CTPS2: variants seen among roughly 807,000 people sequenced by gnomAD.
The protein encoded by CTPS2 is CTP synthase 2.
Under a neutral mutation model 46.8 loss-of-function variants are expected in CTPS2, and 19 were observed. The ratio of observed to expected loss-of-function variants is 0.41; its 90% CI spans 0.28 to 0.60. CTPS2 has a LOEUF of 0.60. Among genes scored for constraint, CTPS2 ranks in the 20% least tolerant of loss-of-function variants. CTPS2 has a pLI of 0.35. For synonymous variants in CTPS2, 151 were observed against 165.2 expected, an observed-to-expected ratio of 0.91 and a Z score of 0.66; for missense variants, 286 against 447.6, an observed-to-expected ratio of 0.64 and a Z score of 3.26.
intron 10 of CTPS2, among the ~76,000 whole-genome samples, chrX:16,674,875 G>A (rs1449278664): frequency 9.1e-6 from 1 of 110,460 alleles, no homozygotes; most frequent in African/African-American, 3.3e-5. Flanking sequence ...GTGGACATTG[G>A]CTAAAGTTAA....
At chrX:16,665,243 G>C (rs1229709020) in intron 13 of CTPS2, among the ~76,000 whole-genome samples, 1 of 112,143 alleles carries the variant, frequency 8.9e-6, no homozygotes, top group Non-Finnish European at 1.9e-5. Context: ...CTCCTCAAAG[G>C]GTTAAACACA....
At chrX:16,625,288 TA>T (rs1931067429) in intron 14 of CTPS2, among the ~76,000 whole-genome samples, 1 of 112,514 alleles carries the variant, frequency 8.9e-6, no homozygotes. Flanking sequence ...AAGCCACTCA[TA>T]AAAGGACAAA....
chrX:16,698,202 G>C lies in CTPS2; in HGVS notation c.438+34C>G, dbSNP rs772175912. 10 of 993,412 alleles carry C rather than the reference G, an allele frequency of 1.0e-5. No homozygotes were observed. The South Asian group carries it at 1.1e-4, about 11-fold the overall frequency. The allele number at this position is 993,412 out of a possible 1,213,427, so 81.9% of individuals were successfully genotyped here. ...AGATCAGATGCTCAAAGACCCAGCAGGATATAATTTTATAAAGAAAGTTCT... is the reference window on the plus strand; with the variant it reads ...AGATCAGATGCTCAAAGACCCAGCACGATATAATTTTATAAAGAAAGTTCT... On this transcript the variant is annotated intron_variant, in intron 4 of 18. Coordinates refer to ENST00000359276, the MANE Select transcript of CTPS2 (RefSeq NM_175859.3).
At chrX:16,618,515 A>G (rs1030962115) in intron 15 of CTPS2, among the ~76,000 whole-genome samples, 2 of 111,376 alleles carry the variant, frequency 1.8e-5, no homozygotes, top group African/African-American at 6.5e-5. Flanking sequence ...TTTTTGAAAA[A>G]CTTCCAGATG....
At chrX:16,693,045 A>G in intron 6 of CTPS2, 96 bp downstream of exon 6, 3 of 632,336 alleles carry the variant, frequency 4.7e-6, no homozygotes, top group Non-Finnish European at 7.7e-6. Flanking sequence ...TGACAGAGCA[A>G]GACTCCGTCT....
intron 11 of CTPS2, among the ~76,000 whole-genome samples, chrX:16,668,549 C>T (rs1921397230): frequency 9.5e-6 from 1 of 105,003 alleles, no homozygotes; most frequent in East Asian, 3.0e-4. Flanking sequence ...CGCGCCACTG[C>T]ACTCCAGCCT....
intron 13 of CTPS2, among the ~76,000 whole-genome samples, chrX:16,658,908 G>A (rs1459436729): frequency 1.8e-5 from 2 of 112,140 alleles, no homozygotes; most frequent in African/African-American, 6.5e-5. Context: ...GAGCATGTAT[G>A]GCGCTACACA....
intron 4 of CTPS2, among the ~76,000 whole-genome samples, chrX:16,696,347 G>T (rs1924118550): frequency 2.7e-5 from 3 of 111,618 alleles, no homozygotes; most frequent in Admixed American, 1.9e-4. Flanking sequence ...AAACATCAGG[G>T]TTATAACGGA....
At chrX:16,617,123 G>A in intron 16 of CTPS2, 27 bp downstream of exon 16, 1 of 1,140,456 alleles carries the variant, frequency 8.8e-7, no homozygotes, top group Non-Finnish European at 1.2e-6. Flanking sequence ...TTATTGGAAG[G>A]TTTTCAAAAA....
chrX:16,624,587 C>T (rs992707841), intron 14 of CTPS2, among the ~76,000 whole-genome samples: 3 of 111,555 alleles, frequency 2.7e-5, no homozygotes, highest in African/African-American at 6.5e-5. Context: ...GAACATTCCA[C>T]GACAAGGCAA....
At chrX:16,616,937 C>T (rs1443295894) in intron 16 of CTPS2, among the ~76,000 whole-genome samples, 3 of 111,737 alleles carry the variant, frequency 2.7e-5, no homozygotes, top group Middle Eastern at 4.6e-3. Flanking sequence ...TCAGGTGATT[C>T]GCCAACCTCA....
intron 8 of CTPS2, 73 bp from the exon 9 acceptor site, chrX:16,683,299 G>A (rs1922890500): frequency 1.9e-6 from 2 of 1,079,694 alleles, no homozygotes; most frequent in African/African-American, 3.6e-5. Context: ...GGCAGCTGCT[G>A]CTCTTACTCC....
At chrX:16,633,665 T>A (rs1163178145) in intron 14 of CTPS2, among the ~76,000 whole-genome samples, 1 of 112,143 alleles carries the variant, frequency 8.9e-6, no homozygotes, top group African/African-American at 3.2e-5. Flanking sequence ...CTGGGCACTA[T>A]ATACACAAGT....
chrX:16,671,345 T>C (rs1210323064), intron 10 of CTPS2, among the ~76,000 whole-genome samples: 1 of 110,594 alleles, frequency 9.0e-6, no homozygotes, highest in Non-Finnish European at 1.9e-5. Context: ...CTAATAAACT[T>C]GCTTTCACTT....
intron 16 of CTPS2, among the ~76,000 whole-genome samples, chrX:16,611,363 A>T (rs918741335): frequency 4.5e-5 from 5 of 110,112 alleles, no homozygotes; most frequent in Admixed American, 1.9e-4. Flanking sequence ...AGATGGGAGG[A>T]TCGCTTCAGC....
chrX:16,660,412 T>G (rs1184530156), intron 13 of CTPS2, among the ~76,000 whole-genome samples: 3 of 80,091 alleles, frequency 3.7e-5, no homozygotes, highest in Non-Finnish European at 7.4e-5. Context: ...ATTATTTATT[T>G]ATTATTTTTT....
At chrX:16,699,985 T>G (rs1160044875) in intron 2 of CTPS2, among the ~76,000 whole-genome samples, 1 of 108,081 alleles carries the variant, frequency 9.3e-6, no homozygotes, top group Non-Finnish European at 1.9e-5. Context: ...CAGGCTGGAG[T>G]GCAGTGGCGT....
chrX:16,655,801 C>CT (rs1273961567), intron 13 of CTPS2, among the ~76,000 whole-genome samples: 2 of 107,680 alleles, frequency 1.9e-5, no homozygotes, highest in Non-Finnish European at 3.9e-5. Flanking sequence ...CTTTTTTTTT[C>CT]TTTTTTTTCT....
intron 17 of CTPS2, among the ~76,000 whole-genome samples, chrX:16,604,643 A>T (rs770810795): frequency 1.0e-4 from 10 of 97,912 alleles, no homozygotes; most frequent in Non-Finnish European, 1.8e-4. Context: ...CCTGAGAAAC[A>T]AAAAAAAAAA....
Sources: gnomAD v4.1 joint callset for allele counts (sites outside exome capture counted in the v4.1 genomes callset) on GRCh38, gnomAD v4.1.1 for gene constraint, MANE v1.5 for transcripts, NCBI Gene and HGNC (gene_info 2026-07-23, HGNC 2026-07-21) for gene names.